CAST: variants seen among roughly 807,000 people sequenced by gnomAD.
CAST encodes MIR583 host.
A neutral mutation model predicts 119.6 loss-of-function variants in CAST; 76 were observed. The observed-to-expected ratio is 0.64, with a 90% CI of 0.53 to 0.77. CAST has a LOEUF of 0.77. Among genes scored for constraint, CAST ranks in the 30% least tolerant of loss-of-function variants. CAST has a pLI of 0.00. For missense variants in CAST, 953 were observed against 946.5 expected (o/e 1.01, Z -0.09); for synonymous variants, 319 against 331.6 (o/e 0.96, Z 0.41).
At chr5:96,268,241 A>G in the CAST span, among the ~76,000 whole-genome samples, 2 of 152,200 alleles carry the variant, frequency 1.3e-5, no homozygotes, top group Admixed American at 6.5e-5. Context: ...CTTATCAATA[A>G]TAACACTGAA....
At chr5:96,558,984 C>T (rs1048910941) in intron 1 of CAST, among the ~76,000 whole-genome samples, 26 of 152,050 alleles carry the variant, frequency 1.7e-4, no homozygotes, top group Non-Finnish European at 1.3e-4. Context: ...CCGAATCCAG[C>T]AGCACATCAA....
At chr5:96,037,863 C>A in the CAST span, among the ~76,000 whole-genome samples, 1 of 152,028 alleles carries the variant, frequency 6.6e-6, no homozygotes, top group African/African-American at 2.4e-5. Flanking sequence ...AAGATGGCTT[C>A]CTGATGCACA....
At chr5:96,496,479 G>A in the CAST span, among the ~76,000 whole-genome samples, 1 of 152,232 alleles carries the variant, frequency 6.6e-6, no homozygotes, top group Non-Finnish European at 1.5e-5. Context: ...AGTTCCTGAA[G>A]TTTTTCTGGC....
the CAST span, chr5:96,210,320 T>C: frequency 3.3e-5 from 5 of 152,038 alleles, no homozygotes; most frequent in Non-Finnish European, 5.9e-5. Context: ...CAAATTACAC[T>C]TTAGTCTGCA....
At chr5:96,573,289 TTTTGTTTTA>T (rs1746604166) in intron 1 of CAST, among the ~76,000 whole-genome samples, 1 of 152,106 alleles carries the variant, frequency 6.6e-6, no homozygotes, top group African/African-American at 2.4e-5. Flanking sequence ...TTCTTGTTTT[TTTTGTTTTA>T]TTTTTTATGC....
At chr5:96,416,062 A>G in the CAST span, 6 of 1,611,948 alleles carry the variant, frequency 3.7e-6, no homozygotes, top group Non-Finnish European at 5.1e-6. Flanking sequence ...TGCAACTCCA[A>G]CCCCGCATTT....
At chr5:96,421,201 TGCTCTTGGCCTCTGTG>T in the CAST span, among the ~76,000 whole-genome samples, 2 of 152,340 alleles carry the variant, frequency 1.3e-5, no homozygotes, top group East Asian at 3.9e-4. Flanking sequence ...TAGAAGATCT[TGCTCTTGGCCTCTGTG>T]GCTCTTGGCC....
intron 1 of CAST, among the ~76,000 whole-genome samples, chr5:96,628,601 T>C (rs1747766565): frequency 6.6e-6 from 1 of 152,230 alleles, no homozygotes; most frequent in South Asian, 2.1e-4. Context: ...AGCTTGTCTC[T>C]GCCATTTGCT....
In CAST at chr5:96,662,473, A is replaced by G. The variant is rs1398619891; in HGVS notation, c.51A>G (p.Ala17=). 1.4e-6 allele frequency: 2 copies of G among 1,430,318 alleles called. No individual in the cohort carries two copies. The highest frequency in any genetic ancestry group is 1.8e-6 in the Non-Finnish European group (2 of 1,096,116). The allele number at this position is 1,430,318 out of a possible 1,614,324, so 88.6% of individuals were successfully genotyped here. Residue 17 remains alanine (A), a synonymous_variant, in exon 1 of 32, where the codon GCA becomes GCG. Coordinates refer to ENST00000675179, the MANE Select transcript of CAST (RefSeq NM_001750.7). ...CCGCCTCCCCGCGGCCCCGGCGAGC[A>G]GCCGCCGCCCGCCGCACCCATGAGG... The part of the protein sequence containing the change: ...KPAASPRPRR[A]AAARRTHEHV...
chr5:96,432,267 C>G, the CAST span: 1 of 738,924 alleles, frequency 1.4e-6, no homozygotes, highest in South Asian at 1.8e-5. Flanking sequence ...CCATTTCTCC[C>G]CCCAGCTTCC....
At chr5:96,060,774 A>G in the CAST span, among the ~76,000 whole-genome samples, 1 of 152,106 alleles carries the variant, frequency 6.6e-6, no homozygotes, top group Non-Finnish European at 1.5e-5. Flanking sequence ...GTTTGTGGAA[A>G]GCCCCCTGTA....
the CAST span, among the ~76,000 whole-genome samples, chr5:96,217,169 G>A: frequency 6.7e-6 from 1 of 148,818 alleles, no homozygotes; most frequent in African/African-American, 2.5e-5. Flanking sequence ...CTCTGAAATA[G>A]CTGGGACTAC....
intron 2 of CAST, among the ~76,000 whole-genome samples, chr5:96,690,643 A>G (rs1424451910): frequency 1.3e-5 from 2 of 152,234 alleles, no homozygotes; most frequent in African/African-American, 4.8e-5. Flanking sequence ...TTGCAGTAGC[A>G]CACATTTATA....
chr5:96,009,948 C>T, the CAST span, among the ~76,000 whole-genome samples: 1 of 152,100 alleles, frequency 6.6e-6, no homozygotes, highest in African/African-American at 2.4e-5. Context: ...AGTCTTCAAT[C>T]TGTCTTGAGC....
In CAST at chr5:96,634,067, T is replaced by C. The variant is rs564917157; in HGVS notation, c.61-41472T>C. Among the ~76,000 whole-genome samples the C allele has an allele frequency of 3.3e-5, 5 of 152,320 alleles. 1 individual carries two copies. The highest frequency in any genetic ancestry group is 9.6e-5 in the African/African-American group (4 of 41,564). ...TCAGTCTAGCCTAGTATAAATTCTT[T>C]GAGAAAAACCGAGTTTTATACTGTG... On this transcript the variant is annotated intron_variant, in intron 1 of 11. Coordinates refer to the CAST transcript ENST00000505143.
intron 1 of CAST, among the ~76,000 whole-genome samples, chr5:96,638,988 T>G (rs1294739120): frequency 6.6e-6 from 1 of 152,204 alleles, no homozygotes; most frequent in Non-Finnish European, 1.5e-5. Flanking sequence ...ACACTAGTCC[T>G]CAGAGGTGGC....
At chr5:96,128,819 T>C in the CAST span, among the ~76,000 whole-genome samples, 5 of 152,110 alleles carry the variant, frequency 3.3e-5, no homozygotes, top group East Asian at 9.6e-4. Context: ...CAAAAATGGG[T>C]GGGATGGATA....
chr5:96,480,785 T>C, the CAST span, among the ~76,000 whole-genome samples: 1 of 152,198 alleles, frequency 6.6e-6, no homozygotes, highest in Admixed American at 6.5e-5. Flanking sequence ...CTGTTAAGTT[T>C]TACAGAGAAG....
chr5:96,059,741 G>A, the CAST span, among the ~76,000 whole-genome samples: 70 of 152,214 alleles, frequency 4.6e-4, 2 homozygotes, highest in South Asian at 0.013. Flanking sequence ...GGGCATATAG[G>A]TAGTCACTAC....
Sources: allele counts gnomAD v4.1 joint callset (sites outside exome capture counted in the v4.1 genomes callset), GRCh38; gene constraint gnomAD v4.1.1; transcripts MANE v1.5; gene names NCBI Gene and HGNC (gene_info 2026-07-23, HGNC 2026-07-21).